Variants in NUP85 observed in about 807,000 individuals in gnomAD.
The protein encoded by NUP85 is nuclear pore complex protein Nup85.
A neutral mutation model predicts 92.8 loss-of-function variants in NUP85; 23 were observed. That is an observed-to-expected ratio of 0.25 (90% CI 0.18 to 0.35). The LOEUF (loss-of-function observed/expected upper bound fraction) is 0.35, where lower values mean the gene tolerates loss of function less well. NUP85 is among the 10% of genes least tolerant of loss of function. The pLI is 1.00. For synonymous variants in NUP85, 314 were observed against 306.9 expected (o/e 1.02, Z -0.24); for missense variants, 759 against 822.8 (o/e 0.92, Z 0.95).
chr17:75,207,235 G>A (rs570244351), intron 1 of NUP85, among the ~76,000 whole-genome samples: 7 of 151,616 alleles, frequency 4.6e-5, no homozygotes, highest in African/African-American at 1.5e-4. Flanking sequence ...CCAGGCTAGA[G>A]TGCAGTGGTG....
chr17:75,221,277 T>TA (rs2075591682), intron 7 of NUP85, among the ~76,000 whole-genome samples: 2 of 152,164 alleles, frequency 1.3e-5, no homozygotes, highest in South Asian at 4.2e-4. Flanking sequence ...CAGCTGGGAT[T>TA]ATAGGCTCTC....
intron 16 of NUP85, among the ~76,000 whole-genome samples, chr17:75,234,156 A>C (rs1281717155): frequency 6.7e-6 from 1 of 149,156 alleles, no homozygotes; most frequent in Non-Finnish European, 1.5e-5. Flanking sequence ...GGTTCAAGCC[A>C]TTCTTCCTCC....
At chr17:75,233,427 TTTATTTTTTC>T (rs1377989583) in intron 16 of NUP85, among the ~76,000 whole-genome samples, 6 of 49,388 alleles carry the variant, frequency 1.2e-4, no homozygotes, top group African/African-American at 2.5e-4. Flanking sequence ...CTTCTTTTCT[TTTATTTTTTC>T]TTTTTTTTTT....
chr17:75,215,504 C>T (rs1284653463), intron 5 of NUP85, among the ~76,000 whole-genome samples: 2 of 152,264 alleles, frequency 1.3e-5, no homozygotes, highest in African/African-American at 4.8e-5. Flanking sequence ...GCCACTGCAC[C>T]TGGCCAAGTT....
At chr17:75,212,238 T>G (rs1203902046) in intron 4 of NUP85, among the ~76,000 whole-genome samples, 176 bp downstream of exon 4, 7 of 7,974 alleles carry the variant, frequency 8.8e-4, no homozygotes, top group South Asian at 3.3e-3. Context: ...GGTTTTTTTT[T>G]TTGTTGTTGT....
In NUP85 at chr17:75,209,977, A is replaced by G. The variant is rs762078842; in HGVS notation, c.282A>G (p.Arg94=). The change falls in exon 3 of 19, where the codon AGA becomes AGG. Residue 94 remains arginine, a synonymous_variant. Transcript: ENST00000245544. ...ACGAAGAGTTGACTGGAAAATCCAG[A>G]AAATCTCAGTAAGTTGGTTGCTGTT... The part of the protein sequence containing the change: ...RIDEELTGKS[R]KSQLVRVSKN... 6.3e-7 allele frequency: 1 copy of G among 1,588,116 alleles called. No homozygotes were observed. Among genetic ancestry groups the G allele is most frequent in the South Asian group, 1.2e-5 (1 of 85,208 alleles).
intron 4 of NUP85, among the ~76,000 whole-genome samples, 166 bp downstream of exon 4, chr17:75,212,228 G>GTTTTTTTTTTTTTTTTTTTTTTTTTTT (rs768963282): frequency 1.2e-5 from 1 of 84,564 alleles, no homozygotes; most frequent in African/African-American, 4.7e-5. Flanking sequence ...ATCATTTAGA[G>GTTTTTTTTTTTTTTTTTTTTTTTTTTT]GTTTTTTTTT....
Position 75,232,844 on chromosome 17 carries a change from T to G in NUP85, c.1397-7T>G. The G allele has an allele frequency of 6.2e-7, 1 of 1,613,384 alleles. No homozygotes were observed. The highest frequency in any genetic ancestry group is 8.5e-7 in the Non-Finnish European group (1 of 1,179,332). On this transcript the variant is annotated splice_polypyrimidine_tract_variant and splice_region_variant and intron_variant, in intron 14 of 18. Coordinates refer to ENST00000245544, the MANE Select transcript of NUP85 (RefSeq NM_024844.5). ...AAGCCGTTTACCTTTTCTTTTCCCC[T>G]GCAAAGTTCGCAGCATTTGTAAGAT...
intron 11 of NUP85, among the ~76,000 whole-genome samples, chr17:75,227,693 A>G (rs1423624572): frequency 1.3e-5 from 2 of 151,510 alleles, no homozygotes; most frequent in Non-Finnish European, 2.9e-5. Context: ...GCTGGAGTGC[A>G]GTGGAGTGAT....
At chr17:75,227,331 T>TTTG (rs1350484369) in intron 11 of NUP85, among the ~76,000 whole-genome samples, 2 of 141,782 alleles carry the variant, frequency 1.4e-5, no homozygotes, top group Non-Finnish European at 3.0e-5. Flanking sequence ...TCTGGGTTTT[T>TTTG]TTTTTTTTTT....
intron 7 of NUP85, among the ~76,000 whole-genome samples, chr17:75,221,231 C>T (rs2075590131): frequency 1.3e-5 from 2 of 151,974 alleles, no homozygotes; most frequent in East Asian, 3.9e-4. Context: ...CAGAGTCTCA[C>T]TCTGTTGCCC....
intron 17 of NUP85, 108 bp from the exon 18 acceptor site, chr17:75,234,992 C>T: frequency 1.9e-6 from 2 of 1,056,728 alleles, no homozygotes; most frequent in South Asian, 2.6e-5. Flanking sequence ...ATACAAAGCA[C>T]ACTATTGCGA....
At chr17:75,207,106 C>T (rs1451792632) in intron 1 of NUP85, among the ~76,000 whole-genome samples, 4 of 151,976 alleles carry the variant, frequency 2.6e-5, no homozygotes, top group African/African-American at 9.7e-5. Context: ...GATGTGTATC[C>T]TGAAAATTTT....
Position 75,231,923 on chromosome 17 carries a change from A to C in NUP85, c.1340A>C (p.Glu447Ala), listed in dbSNP as rs2076077184. Residue 447 changes from glutamate (E) to alanine (A), a missense_variant, in exon 14 of 19, where the codon GAG becomes GCG. Coordinates refer to ENST00000245544, the MANE Select transcript of NUP85 (RefSeq NM_024844.5). This position sits in a 1 kb window ranked among gnomAD's most constrained non-coding sequence, Gnocchi z 4.6. Reference sequence around the variant, plus strand: ...ATTGAGCGGATACCTCTGAACACCGAGCAGAAAGCCCTGAAGGTGCTGCGG... The same window carrying C: ...ATTGAGCGGATACCTCTGAACACCGCGCAGAAAGCCCTGAAGGTGCTGCGG... ...LHIERIPLNTEQKALKVLRIC... is the reference protein window; with the variant it reads ...LHIERIPLNTAQKALKVLRIC... The C allele has an allele frequency of 6.2e-7, 1 of 1,614,166 alleles. No individual in the cohort carries two copies.
Position 75,213,231 on chromosome 17 carries a change from G to A in NUP85, c.405+112G>A, listed in dbSNP as rs2075326970. On this transcript the variant is annotated intron_variant, in intron 5 of 18. Coordinates refer to ENST00000245544, the MANE Select transcript of NUP85 (RefSeq NM_024844.5). The stretch of plus-strand genomic sequence containing the variant: ...GGCAGAAGTCTCTTCTTTTCAGGTA[G>A]ATAGGCAGCTCCTTTGGGTGACAGT... 8.2e-6 allele frequency: 7 copies of A among 849,086 alleles called. No homozygotes were observed. The South Asian group carries it at 9.0e-5, about 11-fold the overall frequency. 52.6% of individuals were successfully genotyped at this position (849,086 alleles called of 1,614,324 possible).
intron 7 of NUP85, among the ~76,000 whole-genome samples, chr17:75,219,655 C>T (rs115702805): frequency 0.013 from 2,052 of 152,264 alleles, 45 homozygotes; most frequent in African/African-American, 0.047. Flanking sequence ...AGATTCCTGC[C>T]TTTATGGAGT....
At position 75,213,160 on chromosome 17, in the gene NUP85, C is replaced by A. The variant is rs777072267; in HGVS notation, c.405+41C>A. 1.5e-5 allele frequency: 24 copies of A among 1,603,890 alleles called. No individual in the cohort carries two copies. In the East Asian group the frequency reaches 4.9e-4, roughly 33 times the overall value. On this transcript the variant is annotated intron_variant, in intron 5 of 18. Coordinates refer to ENST00000245544, the MANE Select transcript of NUP85 (RefSeq NM_024844.5). Reference sequence around the variant, plus strand: ...TTTATTGTTTTAGCACCACTGTGTCCTGTGTCCTGGGCACCCACCTGGGGT... The same window carrying A: ...TTTATTGTTTTAGCACCACTGTGTCATGTGTCCTGGGCACCCACCTGGGGT...
At chr17:75,217,375 T>TTA (rs928013461) in intron 6 of NUP85, among the ~76,000 whole-genome samples, 1 of 149,824 alleles carries the variant, frequency 6.7e-6, no homozygotes, top group East Asian at 1.9e-4. Flanking sequence ...AATTTTTTAT[T>TTA]TTTTTTTGTA....
chr17:75,228,180 T>C (rs927774910), intron 11 of NUP85: 3 of 985,174 alleles, frequency 3.0e-6, no homozygotes, highest in Non-Finnish European at 3.6e-6. Context: ...AAAACAGATT[T>C]GAGCAGAAGA....
Sources: allele counts gnomAD v4.1 joint callset (sites outside exome capture counted in the v4.1 genomes callset), GRCh38; gene constraint gnomAD v4.1.1; non-coding constraint Gnocchi (gnomAD v3.1); transcripts MANE v1.5; gene names NCBI Gene and HGNC (gene_info 2026-07-23, HGNC 2026-07-21).